CFAP46: variants seen among roughly 807,000 people sequenced by gnomAD.
CFAP46 encodes cilia- and flagella-associated protein 46.
CFAP46 carries 245 observed loss-of-function variants against 325.7 expected under a neutral mutation model. The ratio of observed to expected loss-of-function variants is 0.75; its 90% CI spans 0.68 to 0.84. CFAP46 has a LOEUF of 0.84. CFAP46 is among the 40% of genes least tolerant of loss of function. The probability of loss-of-function intolerance (pLI) is 0.00; values close to 1 mark genes in which losing one functional copy is unlikely to be tolerated. For missense variants in CFAP46, 3,346 were observed against 3,543.0 expected, an observed-to-expected ratio of 0.94 and a Z score of 1.41; for synonymous variants, 1,523 against 1,495.9, an observed-to-expected ratio of 1.02 and a Z score of -0.42.
rs1173338313 is a variant in CFAP46, at chr10:132,886,041, C to A, written c.3305-82G>T. On this transcript the variant is annotated intron_variant, in intron 25 of 57. Transcript: ENST00000368586. This position sits in a 1 kb window ranked among gnomAD's most constrained non-coding sequence, Gnocchi z 5.8. ...CCTCGGACCTCCCAGACTAAGCTGC[C>A]CATCACAGTGCCCCTGAGGTGGAAC... is the stretch of plus-strand genomic sequence containing the variant. The A allele has an allele frequency of 2.0e-6, 3 of 1,500,054 alleles. No individual in the cohort carries two copies. The highest frequency in any genetic ancestry group is 2.8e-5 in the African/African-American group (2 of 72,188). 92.9% of individuals were successfully genotyped at this position (1,500,054 alleles called of 1,614,324 possible). A position where few individuals can be genotyped will look rare whatever the true frequency, so the allele number is the denominator to read the frequency against.
intron 24 of CFAP46, chr10:132,898,532 C>T: frequency 3.1e-6 from 1 of 324,524 alleles, no homozygotes; most frequent in Non-Finnish European, 6.0e-6. Context: ...CCCCACTCTG[C>T]CTTAAGCCGC....
intron 49 of CFAP46, 34 bp downstream of exon 49, chr10:132,834,007 C>A: frequency 1.2e-6 from 2 of 1,601,098 alleles, no homozygotes; most frequent in Non-Finnish European, 1.7e-6. Flanking sequence ...GGGATGAGCT[C>A]CCCAGGCTGA....
At chr10:132,896,402 C>T (rs1245165830) in intron 24 of CFAP46, among the ~76,000 whole-genome samples, 1 of 152,264 alleles carries the variant, frequency 6.6e-6, no homozygotes, top group African/African-American at 2.4e-5. Context: ...CTTCCAGATC[C>T]AGACTTTGAT....
chr10:132,937,553 A>G lies in CFAP46; in HGVS notation c.659T>C (p.Met220Thr), dbSNP rs769162777. The G allele has an allele frequency of 6.2e-6, 10 of 1,613,450 alleles. No homozygotes were observed. The highest frequency in any genetic ancestry group is 7.6e-6 in the Non-Finnish European group (9 of 1,179,996). The change falls in exon 6 of 58, where the codon ATG becomes ACG. Residue 220 changes from methionine (M) to threonine (T), a missense_variant and splice_region_variant. Transcript: ENST00000368586. ...PQKYRQIFSV[M>T]VRHELMDELQ... The stretch of plus-strand genomic sequence containing the variant: ...TCTATTTCTAATACGCTGATTTACC[A>G]TAACAGAGAATATCTGCCGGTATTT...
intron 22 of CFAP46, among the ~76,000 whole-genome samples, chr10:132,900,583 C>CA (rs1265297351): frequency 3.3e-5 from 5 of 152,378 alleles, no homozygotes; most frequent in Admixed American, 2.0e-4. Flanking sequence ...CCAAAGGAGT[C>CA]AAAGGAGGAA....
chr10:132,929,870 G>A (rs1163842020), intron 8 of CFAP46, 66 bp from the exon 9 acceptor site: 3 of 1,114,374 alleles, frequency 2.7e-6, no homozygotes, highest in Admixed American at 4.0e-5. Context: ...CTGCAGGCGA[G>A]AATCCATGTC....
chr10:132,812,387 T>C (rs999592336), intron 55 of CFAP46, among the ~76,000 whole-genome samples: 2 of 152,088 alleles, frequency 1.3e-5, no homozygotes, highest in African/African-American at 2.4e-5. Flanking sequence ...AGGTCCCGAG[T>C]GCCCACGATT....
chr10:132,846,936 G>T lies in CFAP46; in HGVS notation c.6263C>A (p.Ser2088Tyr), dbSNP rs1237429286. 1 of 1,609,154 alleles carries T rather than the reference G, an allele frequency of 6.2e-7. No homozygotes were observed. The highest frequency in any genetic ancestry group is 1.3e-5 in the African/African-American group (1 of 74,874). Residue 2088 changes from serine (S) to tyrosine (Y), a missense_variant, in exon 43 of 58, where the codon TCT (serine) becomes TAT (tyrosine). By Grantham distance (144) the Ser-to-Tyr change is moderately radical. Transcript: ENST00000368586. ...PATTCQFLAL[S>Y]QSCSASETMR... ...GTGGGCAGGGCAGAGACACACCTGA[G>T]ACAGAGCCAGGAACTGGCAGGTAGT...
intron 40 of CFAP46, 52 bp from the exon 41 acceptor site, chr10:132,850,484 C>A (rs1429984145): frequency 4.1e-6 from 6 of 1,479,056 alleles, no homozygotes; most frequent in Non-Finnish European, 5.4e-6. Context: ...AACCGCCCAC[C>A]CTGCCCAGGG....
intron 50 of CFAP46, among the ~76,000 whole-genome samples, chr10:132,823,702 G>A (rs1847950121): frequency 7.5e-6 from 1 of 133,754 alleles, no homozygotes; most frequent in African/African-American, 2.9e-5. Context: ...GCTGATGTGT[G>A]CTGTGTGCTG....
chr10:132,871,337 C>G (rs1239367196), intron 32 of CFAP46, among the ~76,000 whole-genome samples: 2 of 152,210 alleles, frequency 1.3e-5, no homozygotes, highest in East Asian at 3.8e-4. Context: ...ATCAAGGAGG[C>G]ATTTCGACTT....
chr10:132,853,145 C>CA (rs1848586955), intron 39 of CFAP46, among the ~76,000 whole-genome samples: 23 of 152,180 alleles, frequency 1.5e-4, no homozygotes, highest in Admixed American at 1.5e-3. Context: ...CGAAAGGGGG[C>CA]ATCAGTCTTT....
chr10:132,863,212 C>CT (rs1228700513), intron 35 of CFAP46, among the ~76,000 whole-genome samples: 1 of 152,056 alleles, frequency 6.6e-6, no homozygotes, highest in Non-Finnish European at 1.5e-5. Context: ...GACTCACTCC[C>CT]TAAGTCCCAG....
At chr10:132,900,367 C>T (rs911083072) in intron 22 of CFAP46, among the ~76,000 whole-genome samples, 4 of 152,370 alleles carry the variant, frequency 2.6e-5, no homozygotes, top group African/African-American at 7.2e-5. Flanking sequence ...CCAGGGCTGC[C>T]GTGGCTGGGG....
chr10:132,916,908 G>A (rs1182066558), intron 16 of CFAP46, among the ~76,000 whole-genome samples: 1 of 152,222 alleles, frequency 6.6e-6, no homozygotes, highest in East Asian at 1.9e-4. Flanking sequence ...AAGGGTCAGG[G>A]AAGAGAAGGT....
Position 132,857,681 on chromosome 10 carries a change from C to T in CFAP46, c.5483G>A (p.Ser1828Asn), listed in dbSNP as rs567343089. 7 of 1,613,818 alleles carry T rather than the reference C, an allele frequency of 4.3e-6. No individual in the cohort carries two copies. The South Asian group carries it at 7.7e-5, about 18-fold the overall frequency. The change falls in exon 39 of 58, where the codon AGC becomes AAC. Residue 1828 changes from serine (S) to asparagine (N), a missense_variant. By Grantham distance (46) the Ser-to-Asn change is conservative. Coordinates refer to ENST00000368586, the MANE Select transcript of CFAP46 (RefSeq NM_001200049.3). Reference protein sequence around the residue: ...AVAEEEGRLHSIQGLYGLAQG... With the variant: ...AVAEEEGRLHNIQGLYGLAQG... ...GGCCAGGCCATATAAGCCCTGGATGCTGTGAAGCCTCCCTTCTTCCTCAGC... is the reference window on the plus strand; with the variant it reads ...GGCCAGGCCATATAAGCCCTGGATGTTGTGAAGCCTCCCTTCTTCCTCAGC...
At chr10:132,912,885 G>A (rs1849575766) in intron 18 of CFAP46, 65 bp from the exon 19 acceptor site, 31 of 1,526,488 alleles carry the variant, frequency 2.0e-5, no homozygotes, top group Non-Finnish European at 2.6e-5. Flanking sequence ...CCCATGTGCT[G>A]AGTCCTCAGG....
rs114892041 is a variant in CFAP46 at position 132,856,138 on chromosome 10, A to C, written c.5574+1452T>G. ...TTGGCAGTGTTTCCTCTCGGCCTTCACAGAGGTCCCTGCGCTGGGCTCTCA... is the reference window on the plus strand; with the variant it reads ...TTGGCAGTGTTTCCTCTCGGCCTTCCCAGAGGTCCCTGCGCTGGGCTCTCA... On this transcript the variant is annotated intron_variant, in intron 39 of 57. Transcript: ENST00000368586. Among the ~76,000 whole-genome samples, 353 of 152,326 alleles carry C rather than the reference A, an allele frequency of 2.3e-3. 4 individuals carry two copies. The highest frequency in any genetic ancestry group is 8.2e-3 in the African/African-American group (340 of 41,574).
chr10:132,859,315 C>T (rs1001844758), intron 37 of CFAP46, 68 bp from the exon 38 acceptor site: 1 of 1,387,458 alleles, frequency 7.2e-7, no homozygotes, highest in Non-Finnish European at 9.6e-7. Context: ...TGCGGCTGGG[C>T]TGCCGCTGTT....
Sources: gnomAD v4.1 joint callset for allele counts (sites outside exome capture counted in the v4.1 genomes callset) on GRCh38, gnomAD v4.1.1 for gene constraint, Gnocchi (gnomAD v3.1) non-coding constraint, MANE v1.5 for transcripts, NCBI Gene and HGNC (gene_info 2026-07-23, HGNC 2026-07-21) for gene names.